ISY1: variants seen among roughly 807,000 people sequenced by gnomAD.
ISY1 encodes ISY1 spliceosome associated protein.
Under a neutral mutation model 54.4 loss-of-function variants are expected in ISY1, and 12 were observed. That is an observed-to-expected ratio of 0.22 (90% CI 0.14 to 0.36). The LOEUF is 0.36. ISY1 is among the 10% of genes least tolerant of loss of function. ISY1 has a pLI of 1.00. For synonymous variants in ISY1, 96 were observed against 117.9 expected, an observed-to-expected ratio of 0.81 and a Z score of 1.20; for missense variants, 282 against 342.2, an observed-to-expected ratio of 0.82 and a Z score of 1.39.
rs150333052 is a variant in ISY1, at chr3:129,146,051, T to C, written c.188-178A>G. Among the ~76,000 whole-genome samples, 390 of 151,776 alleles carry C rather than the reference T, an allele frequency of 2.6e-3. 3 individuals are homozygous for C. Among genetic ancestry groups the C allele is most frequent in the African/African-American group, 8.8e-3 (366 of 41,374 alleles). ...CCCAAATAAATGAAAGGACAAGAAT[T>C]ATAAACAGAGTTCCCACTAGCGTAA... On this transcript the variant is annotated intron_variant, in intron 5 of 10. Coordinates refer to ENST00000393295, the MANE Select transcript of ISY1 (RefSeq NM_020701.4).
intron 5 of ISY1, among the ~76,000 whole-genome samples, chr3:129,151,037 G>A (rs1258387332): frequency 6.6e-6 from 1 of 151,120 alleles, no homozygotes; most frequent in Non-Finnish European, 1.5e-5. Context: ...AGGCAGAATA[G>A]CTTGAACCTG....
At chr3:129,138,421 G>C (rs1203638989) in intron 7 of ISY1, among the ~76,000 whole-genome samples, 2 of 151,432 alleles carry the variant, frequency 1.3e-5, no homozygotes, top group African/African-American at 4.9e-5. Flanking sequence ...GGATCACGAG[G>C]TCAGGAGATC....
rs374022678 is a variant in ISY1, at chr3:129,134,910, T to C, written c.463A>G (p.Ile155Val). 2 of 1,611,034 alleles carry C rather than the reference T, an allele frequency of 1.2e-6. No homozygotes were observed. Among genetic ancestry groups the C allele is most frequent in the Non-Finnish European group, 8.5e-7 (1 of 1,177,904 alleles). ...RKTRAELMKA[I>V]DFEYYGYLDE... ...AGGTAACCATAGTACTCAAAATCGA[T>C]TGCCTTCATGAGCTCAGCACGTGTC... The change falls in exon 8 of 11, where the codon ATC becomes GTC. Residue 155 changes from isoleucine to valine, a missense_variant. By Grantham distance (29) the Ile-to-Val change is conservative. This residue lies in a region of ISY1 where 279 missense variants were observed against 323.6 expected (regional missense o/e 0.86). Coordinates refer to ENST00000393295, the MANE Select transcript of ISY1 (RefSeq NM_020701.4).
chr3:129,137,941 A>C (rs1435575742), intron 7 of ISY1, among the ~76,000 whole-genome samples: 3 of 145,718 alleles, frequency 2.1e-5, no homozygotes, highest in Admixed American at 7.0e-5. Flanking sequence ...AAAAAACTCG[A>C]GACCACCCTG....
At position 129,138,104 on chromosome 3, in the gene ISY1, G is replaced by A. The variant is rs1340025197; in HGVS notation, c.418+2264C>T. Among the ~76,000 whole-genome samples the A allele has an allele frequency of 7.5e-5, 11 of 146,904 alleles. 2 individuals carry two copies. Among genetic ancestry groups the A allele is most frequent in the Admixed American group, 6.2e-4 (9 of 14,492 alleles). On this transcript the variant is annotated intron_variant, in intron 7 of 10. Coordinates refer to ENST00000393295, the MANE Select transcript of ISY1 (RefSeq NM_020701.4). ...ATCCTGGTTAACATGGTGAAACCCC[G>A]TCTCTACTAAAAAAACACAAAAACT...
At chr3:129,151,422 A>G (rs1447096163) in intron 5 of ISY1, among the ~76,000 whole-genome samples, 1 of 151,396 alleles carries the variant, frequency 6.6e-6, no homozygotes, top group African/African-American at 2.4e-5. Flanking sequence ...TGAGGTTGGG[A>G]GTTCGAGACC....
intron 6 of ISY1, 85 bp from the exon 7 acceptor site, chr3:129,140,570 G>T: frequency 7.3e-7 from 1 of 1,366,884 alleles, no homozygotes; most frequent in Non-Finnish European, 9.9e-7. Context: ...GCGGAGTCTC[G>T]CTCTGTTGCC....
rs369502918 is a variant in ISY1 at position 129,151,486 on chromosome 3, G to A, written c.187+5147C>T. 4.0e-5 allele frequency among the ~76,000 whole-genome samples: 6 copies of A among 151,630 alleles called. No individual in the cohort carries two copies. The East Asian group carries it at 7.8e-4, about 20-fold the overall frequency. On this transcript the variant is annotated intron_variant, in intron 5 of 10. Coordinates refer to ENST00000393295, the MANE Select transcript of ISY1 (RefSeq NM_020701.4). ...TCTAGTAAAAATACAAAAATTGGCC[G>A]GGCATGGTGGCACATGCCTGTAGTC...
At chr3:129,151,851 T>G (rs1421448053) in intron 5 of ISY1, among the ~76,000 whole-genome samples, 1 of 151,958 alleles carries the variant, frequency 6.6e-6, no homozygotes, top group Non-Finnish European at 1.5e-5. Context: ...TTATTGGCTA[T>G]GGGTTTCTTA....
chr3:129,142,586 T>C (rs191196012), intron 6 of ISY1, among the ~76,000 whole-genome samples: 3 of 152,350 alleles, frequency 2.0e-5, no homozygotes, highest in African/African-American at 7.2e-5. Context: ...ATTTTTGCAA[T>C]GCTCTTTGAG....
chr3:129,149,626 TATATATATATAC>T (rs1478611347), intron 5 of ISY1, among the ~76,000 whole-genome samples: 15 of 89,036 alleles, frequency 1.7e-4, no homozygotes, highest in African/African-American at 6.0e-4. Flanking sequence ...TATATATATA[TATATATATATAC>T]ACAAAAAAAA....
rs1937148864 is a variant in ISY1 at position 129,156,625 on chromosome 3, T to C, written c.187+8A>G. On this transcript the variant is annotated splice_region_variant and intron_variant, in intron 5 of 10. Coordinates refer to ENST00000393295, the MANE Select transcript of ISY1 (RefSeq NM_020701.4). ...AATCAAGCACTTTAAAGGAACAAGT[T>C]TGCTTACCATTCTGAATCTGAGCCA... The C allele has an allele frequency of 6.2e-7, 1 of 1,611,542 alleles. No individual in the cohort carries two copies. Among genetic ancestry groups the C allele is most frequent in the African/African-American group, 1.3e-5 (1 of 74,824 alleles).
At chr3:129,143,665 TTA>T (rs1231708588) in intron 6 of ISY1, among the ~76,000 whole-genome samples, 5 of 151,184 alleles carry the variant, frequency 3.3e-5, no homozygotes, top group South Asian at 2.1e-4. Flanking sequence ...TATGTATTTT[TTA>T]TATCTTATAA....
At chr3:129,154,175 G>T (rs564086142) in intron 5 of ISY1, among the ~76,000 whole-genome samples, 2 of 150,654 alleles carry the variant, frequency 1.3e-5, no homozygotes, top group East Asian at 3.9e-4. Context: ...CCCGGGGGGC[G>T]GAGCCTGCAG....
chr3:129,134,180 A>G lies in ISY1; in HGVS notation c.557T>C (p.Val186Ala). ...EYEKKLRAELVEKWKAEREAR... is the reference protein window; with the variant it reads ...EYEKKLRAELAEKWKAEREAR... The stretch of plus-strand genomic sequence containing the variant: ...CTCTCTCTCTGCTTTCCACTTTTCC[A>G]CTAACTCGGCTCTGACTGAACACAA... Residue 186 changes from valine (V) to alanine (A), a missense_variant, in exon 9 of 11, where the codon GTG (valine) becomes GCG (alanine). Val to Ala is a moderately conservative substitution (Grantham distance 64). Transcript: ENST00000393295. 1.2e-6 allele frequency: 2 copies of G among 1,613,800 alleles called. No individual in the cohort carries two copies. The highest frequency in any genetic ancestry group is 1.7e-6 in the Non-Finnish European group (2 of 1,179,958).
chr3:129,157,181 C>G (rs560202672), intron 3 of ISY1, among the ~76,000 whole-genome samples: 1 of 152,098 alleles, frequency 6.6e-6, no homozygotes, highest in Non-Finnish European at 1.5e-5. Flanking sequence ...ATAGCTATTT[C>G]ATGGCATATT....
chr3:129,140,351 G>A lies in ISY1; in HGVS notation c.418+17C>T, dbSNP rs892600154. ...TTATTACCAATGAAAGGCTAAAACT[G>A]TCACAAACTTACTTACGTTCTTTTT... On this transcript the variant is annotated intron_variant, in intron 7 of 10. Coordinates refer to ENST00000393295, the MANE Select transcript of ISY1 (RefSeq NM_020701.4). 7.4e-7 allele frequency: 1 copy of A among 1,345,038 alleles called. No individual in the cohort carries two copies. Among genetic ancestry groups the A allele is most frequent in the African/African-American group, 2.6e-5 (1 of 38,008 alleles). 83.3% of individuals were successfully genotyped at this position (1,345,038 alleles called of 1,614,324 possible).
At chr3:129,159,224 T>C (rs1937233193) in intron 1 of ISY1, 48 bp from the exon 2 acceptor site, 1 of 1,583,350 alleles carries the variant, frequency 6.3e-7, no homozygotes, top group Non-Finnish European at 8.5e-7. Context: ...TAAAATATAT[T>C]TTTTTCTTGC....
At chr3:129,130,717 G>T in intron 9 of ISY1, 81 bp from the exon 10 acceptor site, 2 of 1,438,608 alleles carry the variant, frequency 1.4e-6, no homozygotes, top group Non-Finnish European at 1.9e-6. Context: ...ACACTACTCT[G>T]CAACTATTTA....
Sources: gnomAD v4.1 joint callset for allele counts (sites outside exome capture counted in the v4.1 genomes callset) on GRCh38, gnomAD v4.1.1 for gene constraint, gnomAD v4.1.1 regional missense constraint, MANE v1.5 for transcripts, NCBI Gene and HGNC (gene_info 2026-07-23, HGNC 2026-07-21) for gene names.